The following CCDC148 variants were observed in gnomAD, a reference collection of about 807,000 sequenced individuals.
The protein encoded by CCDC148 is coiled-coil domain-containing protein 148.
A neutral mutation model predicts 85.7 loss-of-function variants in CCDC148; 89 were observed. That is an observed-to-expected ratio of 1.04 (90% CI 0.87 to 1.24). The LOEUF (loss-of-function observed/expected upper bound fraction) is 1.24, where lower values mean the gene tolerates loss of function less well. Among genes scored for constraint, CCDC148 ranks in the 50% most tolerant of loss-of-function variants. The pLI, the probability that CCDC148 is intolerant of heterozygous loss-of-function variation, is 0.00. For synonymous variants in CCDC148, 230 were observed against 213.9 expected, an observed-to-expected ratio of 1.08 and a Z score of -0.66; for missense variants, 692 against 671.7, an observed-to-expected ratio of 1.03 and a Z score of -0.33.
At chr2:158,421,155 C>T (rs1050494623) in intron 1 of CCDC148, among the ~76,000 whole-genome samples, 2 of 152,110 alleles carry the variant, frequency 1.3e-5, no homozygotes, top group African/African-American at 4.8e-5. Flanking sequence ...TTTAACACCC[C>T]ACTGTCAACA....
chr2:158,431,458 T>G (rs1687345954), intron 1 of CCDC148, among the ~76,000 whole-genome samples: 1 of 149,610 alleles, frequency 6.7e-6, no homozygotes, highest in African/African-American at 2.5e-5. Flanking sequence ...TGACAGAACA[T>G]CTGTAAAGTG....
intron 9 of CCDC148, 106 bp downstream of exon 9, chr2:158,309,326 CT>C (rs1691855457): frequency 4.4e-6 from 4 of 917,752 alleles, no homozygotes; most frequent in Non-Finnish European, 4.9e-6. Context: ...TAAAGGTAGG[CT>C]TTTGTTTTTT....
chr2:158,327,767 A>G (rs1044915991), intron 7 of CCDC148, among the ~76,000 whole-genome samples: 1 of 152,184 alleles, frequency 6.6e-6, no homozygotes, highest in African/African-American at 2.4e-5. Context: ...ATAATTATTC[A>G]GTCTTCTGAG....
chr2:158,455,591 G>C (rs970096066), intron 1 of CCDC148, among the ~76,000 whole-genome samples: 1 of 151,326 alleles, frequency 6.6e-6, no homozygotes, highest in African/African-American at 2.4e-5. Flanking sequence ...AATCCTATCA[G>C]CTTTTTCACA....
intron 7 of CCDC148, 152 bp downstream of exon 7, chr2:158,338,574 C>A (rs920752133): frequency 1.4e-5 from 8 of 561,386 alleles, no homozygotes; most frequent in East Asian, 3.3e-5. Context: ...AAAATAAAAC[C>A]CTCTCTATTC....
chr2:158,344,169 A>C (rs965557809), intron 3 of CCDC148, among the ~76,000 whole-genome samples: 2 of 150,398 alleles, frequency 1.3e-5, no homozygotes, highest in African/African-American at 4.9e-5. Context: ...GCACATTTTC[A>C]AAAAAAAAAT....
intron 7 of CCDC148, among the ~76,000 whole-genome samples, chr2:158,320,033 A>G (rs1692453481): frequency 6.6e-6 from 1 of 152,228 alleles, no homozygotes; most frequent in African/African-American, 2.4e-5. Flanking sequence ...TGGGGGGACA[A>G]GAACATTTTA....
intron 1 of CCDC148, among the ~76,000 whole-genome samples, chr2:158,448,518 A>G (rs899255715): frequency 2.6e-5 from 4 of 151,314 alleles, no homozygotes; most frequent in Non-Finnish European, 5.9e-5. Context: ...TAATTTTTGT[A>G]TTTTTGGTAG....
chr2:158,254,876 T>C (rs143738606), intron 9 of CCDC148, among the ~76,000 whole-genome samples: 91 of 151,128 alleles, frequency 6.0e-4, no homozygotes, highest in African/African-American at 2.1e-3. Context: ...AAGGCAAGTA[T>C]AGCAAGATAA....
At chr2:158,217,336 GTATA>G (rs141810507) in intron 11 of CCDC148, among the ~76,000 whole-genome samples, 26,350 of 137,520 alleles carry the variant, frequency 0.19, 2,735 homozygotes, top group Middle Eastern at 0.22. Context: ...ATAATTTTGT[GTATA>G]TATATATATA....
chr2:158,321,295 A>G (rs967006536), intron 7 of CCDC148, among the ~76,000 whole-genome samples: 4 of 152,202 alleles, frequency 2.6e-5, no homozygotes, highest in Non-Finnish European at 4.4e-5. Context: ...TTCCAAAAAT[A>G]TAAACCCCAA....
At chr2:158,354,490 A>C (rs944120711) in intron 2 of CCDC148, among the ~76,000 whole-genome samples, 25 of 152,068 alleles carry the variant, frequency 1.6e-4, no homozygotes, top group African/African-American at 4.6e-4. Context: ...GAAATGGATA[A>C]ATTCCTCGAC....
chr2:158,335,047 A>G (rs1040326527), intron 7 of CCDC148, among the ~76,000 whole-genome samples: 2 of 152,132 alleles, frequency 1.3e-5, no homozygotes, highest in Non-Finnish European at 2.9e-5. Context: ...GGTTTAAGAC[A>G]ATAATTGGAC....
intron 1 of CCDC148, among the ~76,000 whole-genome samples, chr2:158,439,324 T>G: frequency 6.6e-6 from 1 of 151,362 alleles, no homozygotes; most frequent in Admixed American, 6.6e-5. Flanking sequence ...ATGTCCTTTG[T>G]AGGGACATGG....
At chr2:158,277,210 T>A (rs1399514271) in intron 9 of CCDC148, among the ~76,000 whole-genome samples, 1 of 152,174 alleles carries the variant, frequency 6.6e-6, no homozygotes, top group Non-Finnish European at 1.5e-5. Flanking sequence ...ACATCACAAC[T>A]CGAGGGGATG....
intron 10 of CCDC148, among the ~76,000 whole-genome samples, chr2:158,228,591 A>G (rs1309304237): frequency 6.6e-6 from 1 of 152,218 alleles, no homozygotes; most frequent in African/African-American, 2.4e-5. Context: ...GGATTAAGAT[A>G]ATGTGGCACA....
intron 11 of CCDC148, among the ~76,000 whole-genome samples, chr2:158,212,410 G>A (rs941441299): frequency 2.6e-5 from 4 of 152,044 alleles, no homozygotes; most frequent in East Asian, 1.9e-4. Context: ...ACAACATGTC[G>A]AAATTTGCAC....
chr2:158,355,172 A>T (rs1040234798), intron 2 of CCDC148, among the ~76,000 whole-genome samples: 4 of 151,848 alleles, frequency 2.6e-5, no homozygotes, highest in African/African-American at 9.7e-5. Context: ...CTGGCACAAG[A>T]CAGGGATGCC....
At chr2:158,320,593 C>T (rs746313289) in intron 7 of CCDC148, among the ~76,000 whole-genome samples, 8 of 152,154 alleles carry the variant, frequency 5.3e-5, no homozygotes, top group Non-Finnish European at 1.2e-4. Context: ...CTTGGCTTTG[C>T]ATATAGCTAC....
Sources: gnomAD v4.1 joint callset for allele counts (sites outside exome capture counted in the v4.1 genomes callset) on GRCh38, gnomAD v4.1.1 for gene constraint, MANE v1.5 for transcripts, NCBI Gene and HGNC (gene_info 2026-07-23, HGNC 2026-07-21) for gene names.